Variants in RMI1 observed in about 807,000 individuals in gnomAD.
RMI1 encodes the protein RecQ mediated genome instability 1, also known as recQ-mediated genome instability protein 1.
A neutral mutation model predicts 46.7 loss-of-function variants in RMI1; 36 were observed. That is an observed-to-expected ratio of 0.77 (90% CI 0.59 to 1.02). RMI1 has a LOEUF of 1.02. Ranked by LOEUF, RMI1 falls within the 50% of genes least tolerant of loss-of-function variation. The pLI, the probability that RMI1 is intolerant of heterozygous loss-of-function variation, is 0.00. For synonymous variants in RMI1, 250 were observed against 252.9 expected, an observed-to-expected ratio of 0.99 and a Z score of 0.11; for missense variants, 676 against 713.7, an observed-to-expected ratio of 0.95 and a Z score of 0.60.
chr9:84,000,588 T>C (rs1033753830), intron 2 of RMI1, among the ~76,000 whole-genome samples: 6 of 152,224 alleles, frequency 3.9e-5, no homozygotes, highest in Non-Finnish European at 8.8e-5. Context: ...GAATATCCTT[T>C]ATAGGTCTGA....
At position 84,001,262 on chromosome 9, in the gene RMI1, G is replaced by A. The variant is rs759040710; in HGVS notation, c.276G>A (p.Leu92=). The change falls in exon 3 of 3, where the codon TTG becomes TTA. Residue 92 remains leucine, a synonymous_variant. Coordinates refer to ENST00000445877, the MANE Select transcript of RMI1 (RefSeq NM_001358291.2). ...TTTATGCTCTGCAGATTAATTCCTT[G>A]GTTGATGTAAGTCAGCCTGCATACT... The part of the protein sequence containing the change: ...NGFYALQINS[L]VDVSQPAYSQ... 2 of 1,614,054 alleles carry A rather than the reference G, an allele frequency of 1.2e-6. No homozygotes were observed. Among genetic ancestry groups the A allele is most frequent in the East Asian group, 2.2e-5 (1 of 44,878 alleles).
chr9:83,983,986 T>TC (rs1382176719), intron 1 of RMI1, among the ~76,000 whole-genome samples: 2 of 152,174 alleles, frequency 1.3e-5, no homozygotes, highest in East Asian at 3.8e-4. Flanking sequence ...TAACTTTTTT[T>TC]CCCATTTTGA....
At chr9:83,996,942 T>C (rs1013202014) in intron 1 of RMI1, among the ~76,000 whole-genome samples, 12 of 151,860 alleles carry the variant, frequency 7.9e-5, no homozygotes, top group African/African-American at 2.9e-4. Context: ...AAAATAGTTT[T>C]TGAATAACAG....
At chr9:83,986,468 G>C (rs1272187404) in intron 1 of RMI1, among the ~76,000 whole-genome samples, 1 of 152,192 alleles carries the variant, frequency 6.6e-6, no homozygotes, top group Non-Finnish European at 1.5e-5. Flanking sequence ...AAAGGTAAAA[G>C]AATGGAGATT....
intron 1 of RMI1, among the ~76,000 whole-genome samples, chr9:83,992,687 G>A (rs906274121): frequency 6.6e-6 from 1 of 152,150 alleles, no homozygotes; most frequent in African/African-American, 2.4e-5. Context: ...ATTTTAGTGA[G>A]TAGGCAAATA....
chr9:84,002,470 C>G lies in RMI1; in HGVS notation c.1484C>G (p.Ser495Cys). ...TATTCTCCACCCTTTGTCTATTTGT[C>G]TGTTCTAATGGCCAGCAAACCAAAG... ...DLYSPPFVYLSVLMASKPKEV... is the reference protein window; with the variant it reads ...DLYSPPFVYLCVLMASKPKEV... The change falls in exon 3 of 3, where the codon TCT (serine) becomes TGT (cysteine). Residue 495 changes from serine to cysteine, a missense_variant. By Grantham distance (112) the Ser-to-Cys change is moderately radical. Transcript: ENST00000445877. 6.2e-7 allele frequency: 1 copy of G among 1,613,892 alleles called. No homozygotes were observed. Among genetic ancestry groups the G allele is most frequent in the Non-Finnish European group, 8.5e-7 (1 of 1,179,934 alleles).
chr9:83,996,996 C>T (rs903859735), intron 1 of RMI1, among the ~76,000 whole-genome samples: 1 of 142,186 alleles, frequency 7.0e-6, no homozygotes, highest in African/African-American at 2.6e-5. Context: ...GGACATGGGG[C>T]GGGATGCAGG....
intron 1 of RMI1, among the ~76,000 whole-genome samples, chr9:83,982,402 G>A (rs534478821): frequency 4.6e-5 from 7 of 152,242 alleles, no homozygotes; most frequent in East Asian, 1.9e-4. Context: ...GGTGGCTCAC[G>A]CCTGTAATCC....
intron 1 of RMI1, among the ~76,000 whole-genome samples, chr9:83,984,686 C>T (rs1957465744): frequency 6.6e-6 from 1 of 152,008 alleles, no homozygotes; most frequent in South Asian, 2.1e-4. Flanking sequence ...CTCAGCCTCC[C>T]TAGTAGCTGG....
intron 1 of RMI1, among the ~76,000 whole-genome samples, chr9:83,988,022 A>G (rs1385581269): frequency 6.6e-6 from 1 of 151,936 alleles, no homozygotes; most frequent in Non-Finnish European, 1.5e-5. Flanking sequence ...GGTAGCTAGG[A>G]CTACAGGCAT....
intron 1 of RMI1, among the ~76,000 whole-genome samples, chr9:83,982,369 A>G (rs1217408503): frequency 7.2e-5 from 11 of 152,310 alleles, no homozygotes; most frequent in African/African-American, 2.6e-4. Flanking sequence ...AGCCCTATAT[A>G]AGAACCTCTT....
chr9:83,997,280 T>G (rs1276754803), intron 1 of RMI1, among the ~76,000 whole-genome samples: 2 of 151,734 alleles, frequency 1.3e-5, no homozygotes, highest in Non-Finnish European at 1.5e-5. Context: ...CCCAGCTAAT[T>G]TTGTATTTTT....
At chr9:83,985,677 A>T (rs188488426) in intron 1 of RMI1, among the ~76,000 whole-genome samples, 6 of 151,974 alleles carry the variant, frequency 3.9e-5, no homozygotes, top group Non-Finnish European at 7.4e-5. Flanking sequence ...ATTCATCCCA[A>T]CTCTTGGCTG....
chr9:83,985,790 C>T (rs905472871), intron 1 of RMI1, among the ~76,000 whole-genome samples: 12 of 152,196 alleles, frequency 7.9e-5, no homozygotes, highest in Non-Finnish European at 1.6e-4. Flanking sequence ...GGGTGGATCA[C>T]GAGGTCAGGA....
chr9:83,985,107 C>T (rs2133101238), intron 1 of RMI1, among the ~76,000 whole-genome samples: 1 of 152,188 alleles, frequency 6.6e-6, no homozygotes, highest in South Asian at 2.1e-4. Context: ...ATATAATTTA[C>T]CAAATTATTA....
intron 2 of RMI1, 86 bp from the exon 3 acceptor site, chr9:84,000,865 T>C (rs1957726487): frequency 4.5e-6 from 3 of 670,010 alleles, no homozygotes; most frequent in Non-Finnish European, 7.5e-6. Flanking sequence ...ATCTAAAGGG[T>C]GTGCCTGTCT....
intron 1 of RMI1, among the ~76,000 whole-genome samples, chr9:83,982,823 A>G (rs1444372091): frequency 2.0e-5 from 3 of 152,008 alleles, no homozygotes. Context: ...ACGTCTTTTT[A>G]ATTTTTAGGT....
chr9:84,000,582 A>G (rs1474519970), intron 2 of RMI1, among the ~76,000 whole-genome samples: 6 of 152,254 alleles, frequency 3.9e-5, no homozygotes, highest in Non-Finnish European at 8.8e-5. Context: ...TTTACTGAAT[A>G]TCCTTTATAG....
Position 84,003,280 on chromosome 9 carries a change from T to TG in RMI1, c.*418dup, listed in dbSNP as rs1215611593. ...GTTGCCCAGATTGGTCTCAAACTCC[T>TG]GGCCTCTCACTCCTGCCGTCATGGC... On this transcript the variant is annotated 3_prime_UTR_variant, in exon 3 of 3. Transcript: ENST00000445877. The TG allele has an allele frequency of 4.2e-5, 7 of 167,738 alleles. No homozygotes were observed. Among genetic ancestry groups the TG allele is most frequent in the Non-Finnish European group, 1.5e-5 (1 of 68,754 alleles). The allele number at this position is 167,738 out of a possible 1,614,324, so 10.4% of individuals were successfully genotyped here. A position where few individuals can be genotyped will look rare whatever the true frequency, so the allele number is the denominator to read the frequency against.
Sources: allele counts gnomAD v4.1 joint callset (sites outside exome capture counted in the v4.1 genomes callset), GRCh38; gene constraint gnomAD v4.1.1; transcripts MANE v1.5; gene names NCBI Gene and HGNC (gene_info 2026-07-23, HGNC 2026-07-21).